SLC71A2: variants seen among roughly 807,000 people sequenced by gnomAD.
The protein encoded by SLC71A2 is hippocampus abundant transcript-like 1.
the SLC71A2 span, among the ~76,000 whole-genome samples, chr9:94,395,194 A>T: frequency 6.6e-6 from 1 of 150,798 alleles, no homozygotes; most frequent in Non-Finnish European, 1.5e-5. Flanking sequence ...GATTACGGGG[A>T]TGAACCACCA....
At chr9:94,389,288 CAG>C in the SLC71A2 span, among the ~76,000 whole-genome samples, 1 of 150,484 alleles carries the variant, frequency 6.6e-6, no homozygotes, top group African/African-American at 2.5e-5. Flanking sequence ...TTTTTTGAGA[CAG>C]AGTCTCACTC....
the SLC71A2 span, among the ~76,000 whole-genome samples, chr9:94,390,093 A>G: frequency 2.7e-4 from 41 of 152,290 alleles, no homozygotes; most frequent in East Asian, 7.9e-3. Context: ...GGGCACCTGT[A>G]GTCCCAGCTA....
the SLC71A2 span, chr9:94,460,625 A>C: frequency 1.6e-4 from 25 of 152,438 alleles, no homozygotes; most frequent in African/African-American, 6.0e-4. Flanking sequence ...TTAACAGAGC[A>C]CCCCTTTGAA....
At chr9:94,387,428 T>G in the SLC71A2 span, among the ~76,000 whole-genome samples, 2 of 81,038 alleles carry the variant, frequency 2.5e-5, no homozygotes, top group Non-Finnish European at 5.0e-5. Context: ...TGGTTTGCTA[T>G]TTTTTTTTTA....
the SLC71A2 span, among the ~76,000 whole-genome samples, chr9:94,430,032 G>A: frequency 1.4e-4 from 21 of 150,392 alleles, no homozygotes; most frequent in African/African-American, 5.1e-4. Context: ...TCAGCCTCCC[G>A]AGTAGCTGGG....
chr9:94,402,981 T>C, the SLC71A2 span, among the ~76,000 whole-genome samples: 2 of 152,162 alleles, frequency 1.3e-5, no homozygotes, highest in Non-Finnish European at 2.9e-5. Flanking sequence ...TCTCTAGAAT[T>C]TTTTCATCAT....
chr9:94,436,164 T>C, the SLC71A2 span, among the ~76,000 whole-genome samples: 1 of 152,234 alleles, frequency 6.6e-6, no homozygotes, highest in Non-Finnish European at 1.5e-5. Context: ...AATTGTTTTC[T>C]TCCAAATATT....
chr9:94,429,214 A>C, the SLC71A2 span: 1 of 1,604,996 alleles, frequency 6.2e-7, no homozygotes, highest in South Asian at 1.1e-5. Context: ...TTTTCTCAAC[A>C]CACATTCCTC....
chr9:94,447,827 T>C, the SLC71A2 span, among the ~76,000 whole-genome samples: 1 of 152,158 alleles, frequency 6.6e-6, no homozygotes, highest in African/African-American at 2.4e-5. Context: ...GCTATGCCTG[T>C]TTATCTCTCC....
At chr9:94,410,749 T>A in the SLC71A2 span, among the ~76,000 whole-genome samples, 4 of 152,170 alleles carry the variant, frequency 2.6e-5, no homozygotes, top group African/African-American at 9.7e-5. Flanking sequence ...ATTAAAAAAA[T>A]CAAATTAGCA....
At chr9:94,438,026 T>G in the SLC71A2 span, among the ~76,000 whole-genome samples, 2 of 152,130 alleles carry the variant, frequency 1.3e-5, no homozygotes, top group African/African-American at 2.4e-5. Context: ...CCTCTCGGGT[T>G]CAAGTGATTC....
At chr9:94,397,869 C>G in the SLC71A2 span, among the ~76,000 whole-genome samples, 3 of 152,262 alleles carry the variant, frequency 2.0e-5, no homozygotes, top group East Asian at 3.9e-4. Flanking sequence ...TTGATGTTAA[C>G]CTTGATCACC....
chr9:94,426,177 C>G, the SLC71A2 span, among the ~76,000 whole-genome samples: 1 of 150,132 alleles, frequency 6.7e-6, no homozygotes, highest in Non-Finnish European at 1.5e-5. Flanking sequence ...CATAAGAGAT[C>G]TGGGGCACCG....
At chr9:94,415,798 C>T in the SLC71A2 span, among the ~76,000 whole-genome samples, 5 of 152,226 alleles carry the variant, frequency 3.3e-5, no homozygotes, top group African/African-American at 1.2e-4. Flanking sequence ...TGGTAATGCT[C>T]GCTCGCCTGC....
At chr9:94,440,748 CTCT>C in the SLC71A2 span, among the ~76,000 whole-genome samples, 2 of 151,770 alleles carry the variant, frequency 1.3e-5, no homozygotes, top group African/African-American at 4.8e-5. Context: ...TTTGTTTTTC[CTCT>C]TCTTTTGTTT....
At chr9:94,407,130 GT>G in the SLC71A2 span, among the ~76,000 whole-genome samples, 27,119 of 150,068 alleles carry the variant, frequency 0.18, 1,963 homozygotes, top group Middle Eastern at 0.27. Context: ...TTATGAAAGT[GT>G]GTTGAATTTT....
chr9:94,442,748 G>T, the SLC71A2 span, among the ~76,000 whole-genome samples: 3 of 151,888 alleles, frequency 2.0e-5, no homozygotes, highest in Non-Finnish European at 4.4e-5. Context: ...TACCTGGGAG[G>T]CTGAGGCAGG....
chr9:94,455,881 A>G, the SLC71A2 span, among the ~76,000 whole-genome samples: 13 of 152,200 alleles, frequency 8.5e-5, no homozygotes, highest in Non-Finnish European at 1.6e-4. Context: ...AAAAAATGAA[A>G]GGTCAGTGGA....
At chr9:94,456,235 T>C in the SLC71A2 span, 4 of 1,612,144 alleles carry the variant, frequency 2.5e-6, no homozygotes, top group African/African-American at 1.3e-5. Context: ...GTCCTGTCAT[T>C]GCAGGATGAT....
Sources: gnomAD v4.1 joint callset for allele counts (sites outside exome capture counted in the v4.1 genomes callset) on GRCh38, gnomAD v4.1.1 for gene constraint, MANE v1.5 for transcripts, NCBI Gene and HGNC (gene_info 2026-07-23, HGNC 2026-07-21) for gene names.